TNIK: variants seen among roughly 807,000 people sequenced by gnomAD.
TNIK encodes the protein TRAF2 and NCK interacting kinase.
A neutral mutation model predicts 191.3 loss-of-function variants in TNIK; 49 were observed. That is an observed-to-expected ratio of 0.26 (90% CI 0.20 to 0.32). TNIK has a LOEUF of 0.32. TNIK is among the 10% of genes least tolerant of loss of function. The probability of loss-of-function intolerance (pLI) is 1.00; values close to 1 mark genes in which losing one functional copy is unlikely to be tolerated. For synonymous variants in TNIK, 594 were observed against 600.9 expected, an observed-to-expected ratio of 0.99 and a Z score of 0.17; for missense variants, 1,155 against 1,702.3, an observed-to-expected ratio of 0.68 and a Z score of 5.66.
At chr3:171,380,967 A>G (rs1402584331) in intron 1 of TNIK, among the ~76,000 whole-genome samples, 1 of 152,202 alleles carries the variant, frequency 6.6e-6, no homozygotes, top group Non-Finnish European at 1.5e-5. Context: ...TTAGTCCATC[A>G]CTTGGTGTCA....
chr3:171,134,620 C>A (rs762764217), intron 15 of TNIK, among the ~76,000 whole-genome samples: 1 of 152,152 alleles, frequency 6.6e-6, no homozygotes, highest in African/African-American at 2.4e-5. Flanking sequence ...CATTCATATT[C>A]TTTTAAATCA....
chr3:171,440,093 G>A (rs1191185855), intron 1 of TNIK, among the ~76,000 whole-genome samples: 2 of 152,138 alleles, frequency 1.3e-5, no homozygotes, highest in African/African-American at 2.4e-5. Flanking sequence ...ATGCTAGGCT[G>A]GGCGAATGAC....
chr3:171,227,724 A>G (rs149042564), intron 3 of TNIK, among the ~76,000 whole-genome samples: 21 of 152,242 alleles, frequency 1.4e-4, no homozygotes, highest in Non-Finnish European at 3.1e-4. Context: ...TCTAGAAAAC[A>G]ATTTTTTTCT....
intron 9 of TNIK, among the ~76,000 whole-genome samples, chr3:171,172,509 C>T (rs35006981): frequency 0.062 from 9,406 of 152,186 alleles, 418 homozygotes; most frequent in Middle Eastern, 0.11. Context: ...TTTGGACCTG[C>T]GCTTTCAAGA....
chr3:171,317,495 T>A (rs1754764394), intron 2 of TNIK, among the ~76,000 whole-genome samples: 2 of 152,118 alleles, frequency 1.3e-5, no homozygotes, highest in Non-Finnish European at 2.9e-5. Context: ...GCAACTATTC[T>A]TAGGAAGAAG....
Position 171,166,991 on chromosome 3 carries a change from T to G in TNIK, c.949+104A>C, listed in dbSNP as rs984109127. The G allele has an allele frequency of 1.4e-5, 20 of 1,417,428 alleles. No homozygotes were observed. The East Asian group carries it at 4.7e-4, about 33-fold the overall frequency. 87.8% of individuals were successfully genotyped at this position (1,417,428 alleles called of 1,614,324 possible). A position where few individuals can be genotyped will look rare whatever the true frequency, so the allele number is the denominator to read the frequency against. ...GACAGCCCCTCGCACTAAAGAATAATGCAGGCCCATTTGAAATCCCCATAG... is the reference window on the plus strand; with the variant it reads ...GACAGCCCCTCGCACTAAAGAATAAGGCAGGCCCATTTGAAATCCCCATAG... On this transcript the variant is annotated intron_variant, in intron 10 of 32. Coordinates refer to ENST00000436636, the MANE Select transcript of TNIK (RefSeq NM_015028.4).
At position 171,126,026 on chromosome 3, in the gene TNIK, C is replaced by T. The variant is rs772245873; in HGVS notation, c.1899G>A (p.Val633=). The stretch of plus-strand genomic sequence containing the variant: ...GATCTGAGTTCTGGCGTGGCATCTC[C>T]ACGCGGTGGGAGGTCACGTTCAGAG... ...QEALNVTSHR[V]EMPRQNSDPT... is the part of the protein sequence containing the mutation. Residue 633 remains valine (V), a synonymous_variant, in exon 17 of 33, where the codon GTG becomes GTA. Coordinates refer to ENST00000436636, the MANE Select transcript of TNIK (RefSeq NM_015028.4). 3 of 1,613,956 alleles carry T rather than the reference C, an allele frequency of 1.9e-6. No individual in the cohort carries two copies. In the South Asian group the frequency reaches 3.3e-5, roughly 18 times the overall value.
At chr3:171,287,280 G>A (rs181699789) in intron 2 of TNIK, among the ~76,000 whole-genome samples, 199 of 152,236 alleles carry the variant, frequency 1.3e-3, no homozygotes, top group Non-Finnish European at 2.2e-3. Context: ...TCAACTATTA[G>A]TTATGTTGTC....
At chr3:171,275,790 G>A (rs921355781) in intron 2 of TNIK, among the ~76,000 whole-genome samples, 4 of 151,984 alleles carry the variant, frequency 2.6e-5, no homozygotes, top group African/African-American at 4.8e-5. Context: ...CCAGCTACTC[G>A]GGAGGCTGAG....
At chr3:171,411,246 T>A (rs1722378229) in intron 1 of TNIK, among the ~76,000 whole-genome samples, 1 of 152,054 alleles carries the variant, frequency 6.6e-6, no homozygotes, top group African/African-American at 2.4e-5. Flanking sequence ...TTTTCATTTT[T>A]TAATTTTTTT....
At chr3:171,233,328 C>T (rs1278799487) in intron 2 of TNIK, among the ~76,000 whole-genome samples, 1 of 151,846 alleles carries the variant, frequency 6.6e-6, no homozygotes, top group Non-Finnish European at 1.5e-5. Context: ...CACGCATCAC[C>T]AGAACCATGA....
intron 8 of TNIK, 28 bp downstream of exon 8, chr3:171,177,298 A>G (rs751405618): frequency 1.3e-6 from 2 of 1,597,906 alleles, no homozygotes; most frequent in Admixed American, 3.5e-5. Context: ...GACCAGCAAC[A>G]GATTTCACCC....
intron 2 of TNIK, among the ~76,000 whole-genome samples, chr3:171,256,426 A>G (rs879809372): frequency 1.3e-5 from 2 of 152,186 alleles, no homozygotes; most frequent in African/African-American, 2.4e-5. Context: ...GGATGTCCCA[A>G]TGGGGAGATG....
chr3:171,188,250 A>G lies in TNIK; in HGVS notation c.639+452T>C, dbSNP rs531218165. 4.6e-5 allele frequency among the ~76,000 whole-genome samples: 7 copies of G among 152,330 alleles called. No individual in the cohort carries two copies. In the South Asian group the frequency reaches 1.0e-3, roughly 23 times the overall value. ...TTCCATCTGATTCCCTCTCATGAAA[A>G]AGAAACCCCAGATAATTATACTTCG... On this transcript the variant is annotated intron_variant, in intron 7 of 32. Transcript: ENST00000436636.
chr3:171,098,508 CATAAGTT>C (rs1325041606), intron 22 of TNIK, among the ~76,000 whole-genome samples: 1 of 152,104 alleles, frequency 6.6e-6, no homozygotes, highest in African/African-American at 2.4e-5. Flanking sequence ...AGTGCACTCT[CATAAGTT>C]ATATCTTGTA....
chr3:171,145,649 A>T (rs1731459653), intron 12 of TNIK, among the ~76,000 whole-genome samples: 1 of 152,082 alleles, frequency 6.6e-6, no homozygotes. Context: ...GCTATGTAGA[A>T]TTTTTGCTGT....
intron 2 of TNIK, among the ~76,000 whole-genome samples, chr3:171,273,580 T>C (rs1420559382): frequency 6.6e-6 from 1 of 152,184 alleles, no homozygotes; most frequent in African/African-American, 2.4e-5. Flanking sequence ...GCATGGATAG[T>C]TGTTCAAATT....
At chr3:171,279,145 A>C (rs1415266109) in intron 2 of TNIK, among the ~76,000 whole-genome samples, 1 of 151,842 alleles carries the variant, frequency 6.6e-6, no homozygotes, top group African/African-American at 2.4e-5. Flanking sequence ...GAAAAAAAAA[A>C]CCTAAAGGTA....
chr3:171,301,276 T>C (rs529214664), intron 2 of TNIK, among the ~76,000 whole-genome samples: 1 of 151,452 alleles, frequency 6.6e-6, no homozygotes, highest in South Asian at 2.1e-4. Flanking sequence ...AGCAGACAGA[T>C]ACAGAATGTA....
Sources: gnomAD v4.1 joint callset for allele counts (sites outside exome capture counted in the v4.1 genomes callset) on GRCh38, gnomAD v4.1.1 for gene constraint, MANE v1.5 for transcripts, NCBI Gene and HGNC (gene_info 2026-07-23, HGNC 2026-07-21) for gene names.